Variants in PIH1D2 observed in about 807,000 individuals in gnomAD.
PIH1D2 encodes PIH1 domain containing 2.
Under a neutral mutation model 31.2 loss-of-function variants are expected in PIH1D2, and 25 were observed. That is an observed-to-expected ratio of 0.80 (90% CI 0.58 to 1.12). The LOEUF is 1.12. Ranked by LOEUF, PIH1D2 falls within the 50% of genes most tolerant of loss-of-function variation. PIH1D2 has a pLI of 0.00. For missense variants in PIH1D2, 310 were observed against 356.6 expected (o/e 0.87, Z 1.05); for synonymous variants, 116 against 119.9 (o/e 0.97, Z 0.21).
At chr11:112,068,194 G>A (rs1403369770) in intron 5 of PIH1D2, among the ~76,000 whole-genome samples, 189 bp from the exon 6 acceptor site, 2 of 152,140 alleles carry the variant, frequency 1.3e-5, no homozygotes, top group South Asian at 2.1e-4. Flanking sequence ...TACATCACAC[G>A]TTAACTGATA....
chr11:112,072,699 A>C (rs1437218455), intron 2 of PIH1D2: 2 of 184,816 alleles, frequency 1.1e-5, no homozygotes, highest in African/African-American at 4.7e-5. Context: ...CCCCGCCTCT[A>C]CTAATAATAC....
chr11:112,070,402 A>C (rs1555184371), intron 5 of PIH1D2, 34 bp downstream of exon 5: 2 of 1,598,218 alleles, frequency 1.3e-6, no homozygotes, highest in Non-Finnish European at 1.7e-6. Flanking sequence ...AATGCTGGCC[A>C]ATACAAATTT....
chr11:112,065,638 T>G (rs587620435), downstream of PIH1D2, among the ~76,000 whole-genome samples: 1 of 152,082 alleles, frequency 6.6e-6, no homozygotes, highest in Admixed American at 6.6e-5. Flanking sequence ...AAAGGAGATT[T>G]GAGGCAAGGA....
chr11:112,061,208 AATTTTT>A (rs587633641), downstream of PIH1D2: 281 of 1,612,726 alleles, frequency 1.7e-4, no homozygotes, highest in African/African-American at 3.5e-3. Flanking sequence ...GTCGTAAGCT[AATTTTT>A]ATTACACTGT....
chr11:112,054,154 C>CAA, the PIH1D2 span, among the ~76,000 whole-genome samples: 1 of 136,378 alleles, frequency 7.3e-6, no homozygotes, highest in Non-Finnish European at 1.6e-5. Flanking sequence ...GCTAAAAATA[C>CAA]AAAAAAAAAA....
chr11:112,052,526 G>A, the PIH1D2 span, among the ~76,000 whole-genome samples: 1 of 152,130 alleles, frequency 6.6e-6, no homozygotes, highest in African/African-American at 2.4e-5. Flanking sequence ...ATATTACAAA[G>A]GATATGGATG....
chr11:112,056,035 T>A, the PIH1D2 span, among the ~76,000 whole-genome samples: 1 of 151,344 alleles, frequency 6.6e-6, no homozygotes, highest in Non-Finnish European at 1.5e-5. Context: ...ACCCAGCTAA[T>A]TTTTGTATTT....
chr11:112,071,005 A>C (rs782399945), intron 4 of PIH1D2, 33 bp downstream of exon 4: 1 of 1,594,994 alleles, frequency 6.3e-7, no homozygotes, highest in Non-Finnish European at 8.5e-7. Flanking sequence ...ATCTTAAAGC[A>C]GTTTAATTTT....
the PIH1D2 span, among the ~76,000 whole-genome samples, chr11:112,056,310 C>G: frequency 1.3e-5 from 2 of 152,144 alleles, no homozygotes; most frequent in African/African-American, 4.8e-5. Context: ...TTTCATCACC[C>G]CCAAAAGATC....
At chr11:112,066,331 T>A (rs1864926501), downstream of PIH1D2, among the ~76,000 whole-genome samples, 1 of 152,178 alleles carries the variant, frequency 6.6e-6, no homozygotes, top group Non-Finnish European at 1.5e-5. Flanking sequence ...ACTACTTTTT[T>A]TGTTCAAATA....
At chr11:112,070,256 C>A in intron 5 of PIH1D2, 180 bp downstream of exon 5, 1 of 688,624 alleles carries the variant, frequency 1.5e-6, no homozygotes. Context: ...ATGGTTTGAT[C>A]ATTCTATTTT....
At chr11:112,059,168 C>G (rs1252348718), downstream of PIH1D2, among the ~76,000 whole-genome samples, 1 of 152,048 alleles carries the variant, frequency 6.6e-6, no homozygotes, top group Non-Finnish European at 1.5e-5. Flanking sequence ...TTCACTCTTC[C>G]TTTCATCTGC....
chr11:112,073,721 T>C (rs939481067), intron 1 of PIH1D2, among the ~76,000 whole-genome samples: 9 of 152,326 alleles, frequency 5.9e-5, no homozygotes, highest in South Asian at 4.1e-4. Context: ...CATAGGATTA[T>C]TGCGAGATTA....
downstream of PIH1D2, chr11:112,062,345 T>C (rs1864685967): frequency 6.3e-7 from 1 of 1,585,028 alleles, no homozygotes; most frequent in Admixed American, 1.7e-5. Flanking sequence ...ATTTGGGTGG[T>C]TACTGGCTGA....
At chr11:112,053,520 T>G in the PIH1D2 span, among the ~76,000 whole-genome samples, 1 of 152,222 alleles carries the variant, frequency 6.6e-6, no homozygotes, top group East Asian at 1.9e-4. Context: ...TGGCGTGATC[T>G]TGGCTCACTG....
At chr11:112,059,913 G>T (rs1555183000), downstream of PIH1D2, 2 of 1,607,960 alleles carry the variant, frequency 1.2e-6, no homozygotes, top group Non-Finnish European at 1.7e-6. Context: ...AAATCATGTT[G>T]TTGATGTCAG....
chr11:112,064,701 A>G (rs587770400), downstream of PIH1D2, among the ~76,000 whole-genome samples: 1 of 152,252 alleles, frequency 6.6e-6, no homozygotes, highest in South Asian at 2.1e-4. Flanking sequence ...CATGGTCTAG[A>G]AAGGAGTAAA....
In PIH1D2 at chr11:112,067,833, T is replaced by G. The variant is rs781799609; in HGVS notation, c.*38A>C. 9.3e-6 allele frequency: 15 copies of G among 1,608,926 alleles called. No individual in the cohort carries two copies. The Admixed American group carries it at 1.3e-4, about 14-fold the overall frequency. On this transcript the variant is annotated 3_prime_UTR_variant, in exon 6 of 6. Coordinates refer to ENST00000280350, the MANE Select transcript of PIH1D2 (RefSeq NM_138789.4). ...ATGAAGGTCCTTTAATTCACATGAC[T>G]TTAGCACTGAAAACCCAAAACATAT... is the stretch of plus-strand genomic sequence containing the variant.
intron 5 of PIH1D2, among the ~76,000 whole-genome samples, chr11:112,069,500 T>C (rs1218987904): frequency 1.3e-5 from 2 of 151,946 alleles, no homozygotes; most frequent in Non-Finnish European, 2.9e-5. Context: ...AAAACAATCC[T>C]TTGAGCCCCA....
Sources: gnomAD v4.1 joint callset for allele counts (sites outside exome capture counted in the v4.1 genomes callset) on GRCh38, gnomAD v4.1.1 for gene constraint, MANE v1.5 for transcripts, NCBI Gene and HGNC (gene_info 2026-07-23, HGNC 2026-07-21) for gene names.